The following INPP5B variants were observed in gnomAD, a reference collection of about 807,000 sequenced individuals.
INPP5B encodes type II inositol 1,4,5-trisphosphate 5-phosphatase.
INPP5B carries 90 observed loss-of-function variants against 118.5 expected under a neutral mutation model. That is an observed-to-expected ratio of 0.76 (90% confidence interval 0.64 to 0.90). The LOEUF is 0.90. Among genes scored for constraint, INPP5B ranks in the 40% least tolerant of loss-of-function variants. The probability of loss-of-function intolerance (pLI) is 0.00; values close to 1 mark genes in which losing one functional copy is unlikely to be tolerated. For synonymous variants in INPP5B, 385 were observed against 418.9 expected (o/e 0.92, Z 0.99); for missense variants, 984 against 1,125.6 (o/e 0.87, Z 1.80).
Position 37,931,987 on chromosome 1 carries a change from T to C in INPP5B, c.458A>G (p.Glu153Gly), listed in dbSNP as rs1266599714. 2 of 1,613,600 alleles carry C rather than the reference T, an allele frequency of 1.2e-6. No individual in the cohort carries two copies. Among genetic ancestry groups the C allele is most frequent in the Non-Finnish European group, 1.7e-6 (2 of 1,179,836 alleles). The part of the protein sequence containing the change: ...WLSRYRCAEL[E>G]LEMPTPRGCN... ...ACCGCGCGGCGTTGGCATCTCCAGCTCCAGCTCTGCGCACCTATACCGAGA... is the reference window on the plus strand; with the variant it reads ...ACCGCGCGGCGTTGGCATCTCCAGCCCCAGCTCTGCGCACCTATACCGAGA... Residue 153 changes from glutamate to glycine, a missense_variant, in exon 7 of 24, where the codon GAG becomes GGG. By Grantham distance (98) the Glu-to-Gly change is moderately conservative. Transcript: ENST00000373024.
chr1:37,866,398 TCTCTCTCTCACACA>T (rs1438892318), intron 21 of INPP5B, 47 bp downstream of exon 21: 3 of 724,342 alleles, frequency 4.1e-6, no homozygotes, highest in African/African-American at 4.6e-5. Context: ...TCTCTCTCTC[TCTCTCTCTCACACA>T]CACACACACA....
At chr1:37,927,165 C>G (rs1422417870) in intron 7 of INPP5B, among the ~76,000 whole-genome samples, 1 of 151,914 alleles carries the variant, frequency 6.6e-6, no homozygotes, top group East Asian at 1.9e-4. Flanking sequence ...CGTGCAGGTG[C>G]ATGTATGTAG....
In INPP5B at chr1:37,885,663, G is replaced by A. The variant is rs1408285216; in HGVS notation, c.1294C>T (p.Pro432Ser). 1 of 1,613,780 alleles carries A rather than the reference G, an allele frequency of 6.2e-7. No individual in the cohort carries two copies. Among genetic ancestry groups the A allele is most frequent in the Non-Finnish European group, 8.5e-7 (1 of 1,179,994 alleles). ...MQFCQPDPSL[P>S]PLTISNHDVI... ...TCATGGTTGCTGATGGTGAGAGGGGGAAGGCTTGGGTCAGGCTGACAAAAC... is the reference window on the plus strand; with the variant it reads ...TCATGGTTGCTGATGGTGAGAGGGGAAAGGCTTGGGTCAGGCTGACAAAAC... Residue 432 changes from proline (P) to serine (S), a missense_variant, in exon 13 of 24, where the codon CCC (proline) becomes TCC (serine). Coordinates refer to ENST00000373024, the MANE Select transcript of INPP5B (RefSeq NM_005540.3).
intron 7 of INPP5B, among the ~76,000 whole-genome samples, chr1:37,916,410 CATT>C (rs1644864248): frequency 6.8e-6 from 1 of 147,290 alleles, no homozygotes; most frequent in African/African-American, 2.5e-5. Context: ...CTTTTTCTTT[CATT>C]TTTTTTTTTT....
chr1:37,941,253 T>C (rs1007447335), intron 5 of INPP5B, among the ~76,000 whole-genome samples: 2 of 152,064 alleles, frequency 1.3e-5, no homozygotes, highest in African/African-American at 4.8e-5. Context: ...TGTAGAAGGC[T>C]TCCCTATTCA....
At chr1:37,903,907 T>C (rs1644417437) in intron 7 of INPP5B, among the ~76,000 whole-genome samples, 1 of 151,872 alleles carries the variant, frequency 6.6e-6, no homozygotes, top group South Asian at 2.1e-4. Context: ...AAATAAAATA[T>C]TTTTTGTCAG....
In INPP5B at chr1:37,866,636, A is replaced by T. The variant is rs556833029; in HGVS notation, c.2302-93T>A. 9.0e-6 allele frequency: 7 copies of T among 776,010 alleles called. No individual in the cohort carries two copies. The East Asian group carries it at 1.8e-4, about 20-fold the overall frequency. The allele number at this position is 776,010 out of a possible 1,614,324, so 48.1% of individuals were successfully genotyped here. On this transcript the variant is annotated intron_variant, in intron 20 of 23. Transcript: ENST00000373024. ...GCAATATCAATAGCAGAATGCAAAA[A>T]GGAGCAGTGTGGTGAGGCCTCTGAA... is the stretch of plus-strand genomic sequence containing the variant.
chr1:37,946,541 C>T (rs1487227295), intron 1 of INPP5B, among the ~76,000 whole-genome samples: 3 of 152,136 alleles, frequency 2.0e-5, no homozygotes, highest in Non-Finnish European at 4.4e-5. Flanking sequence ...CCCTTTGCCC[C>T]GCTGGGATCT....
At chr1:37,932,102 G>A (rs755990166) in intron 6 of INPP5B, 49 bp from the exon 7 acceptor site, 2 of 1,499,476 alleles carry the variant, frequency 1.3e-6, no homozygotes, top group African/African-American at 1.4e-5. Flanking sequence ...TTGAAGAGCC[G>A]GCTCTGCATG....
At chr1:37,891,284 T>A in intron 8 of INPP5B, 74 bp downstream of exon 8, 1 of 1,016,384 alleles carries the variant, frequency 9.8e-7, no homozygotes, top group Non-Finnish European at 1.5e-6. Context: ...ACTTACATTA[T>A]ACCCAAAATG....
intron 3 of INPP5B, among the ~76,000 whole-genome samples, chr1:37,944,546 A>G (rs191806947): frequency 2.4e-4 from 36 of 150,398 alleles, no homozygotes; most frequent in Middle Eastern, 7.0e-3. Context: ...CACTGCACCC[A>G]GCCTTATTGA....
intron 8 of INPP5B, 119 bp from the exon 9 acceptor site, chr1:37,889,843 A>C (rs1348428553): frequency 3.1e-6 from 2 of 639,546 alleles, no homozygotes; most frequent in Non-Finnish European, 5.3e-6. Context: ...AAAGGAGGCC[A>C]AAGTAAAATT....
intron 7 of INPP5B, 180 bp downstream of exon 7, chr1:37,931,733 G>C: frequency 6.3e-7 from 1 of 1,576,034 alleles, no homozygotes; most frequent in Non-Finnish European, 8.6e-7. Context: ...GCTTCCTCAA[G>C]CTCCTCATCC....
chr1:37,898,319 C>T (rs887817900), intron 7 of INPP5B, among the ~76,000 whole-genome samples: 5 of 151,964 alleles, frequency 3.3e-5, no homozygotes, highest in African/African-American at 1.2e-4. Flanking sequence ...TTTAGGACAG[C>T]AAAACTATAC....
intron 7 of INPP5B, among the ~76,000 whole-genome samples, chr1:37,909,572 A>T (rs1644615233): frequency 6.6e-6 from 1 of 152,068 alleles, no homozygotes; most frequent in Admixed American, 6.6e-5. Flanking sequence ...GCTCTTTTTC[A>T]TCAAATATGA....
chr1:37,885,446 CAA>C (rs1228230130), intron 13 of INPP5B, 190 bp downstream of exon 13: 3 of 512,022 alleles, frequency 5.9e-6, no homozygotes, highest in South Asian at 3.2e-5. Context: ...GAGAAAGACT[CAA>C]GAGATCTGCC....
At chr1:37,916,525 T>G (rs1192422082) in intron 7 of INPP5B, among the ~76,000 whole-genome samples, 1 of 152,006 alleles carries the variant, frequency 6.6e-6, no homozygotes, top group Non-Finnish European at 1.5e-5. Flanking sequence ...CAAGCGATTC[T>G]CTTGCCTCAG....
In INPP5B at chr1:37,889,685, G is replaced by C. The variant is rs1422353141; in HGVS notation, c.669C>G (p.Arg223=). The C allele has an allele frequency of 6.2e-7, 1 of 1,613,334 alleles. No individual in the cohort carries two copies. The highest frequency in any genetic ancestry group is 1.1e-5 in the South Asian group (1 of 90,860). Residue 223 remains arginine, a synonymous_variant, in exon 9 of 24, where the codon CGC becomes CGG. Coordinates refer to ENST00000373024, the MANE Select transcript of INPP5B (RefSeq NM_005540.3). ...TGTCCGACACTGTGATAGTGGAGGA[G>C]CGAACCATGTCAGTAATTTCGGACT... ...KSKSEITDMV[R]SSTITVSDKA... is the part of the protein sequence containing the mutation.
chr1:37,882,269 G>A lies in INPP5B; in HGVS notation c.1431+538C>T, dbSNP rs577505637. 5.3e-5 allele frequency among the ~76,000 whole-genome samples: 8 copies of A among 152,274 alleles called. No homozygotes were observed. In the South Asian group the frequency reaches 8.3e-4, roughly 16 times the overall value. On this transcript the variant is annotated intron_variant, in intron 14 of 23. Coordinates refer to ENST00000373024, the MANE Select transcript of INPP5B (RefSeq NM_005540.3). ...AGAAGTAGCCAGAAGAAAGTCACAG[G>A]GAAACAGATTCTCTTGTACTGTGAA...
Sources: gnomAD v4.1 joint callset for allele counts (sites outside exome capture counted in the v4.1 genomes callset) on GRCh38, gnomAD v4.1.1 for gene constraint, MANE v1.5 for transcripts, NCBI Gene and HGNC (gene_info 2026-07-23, HGNC 2026-07-21) for gene names.